Variants in CD86 observed in about 807,000 individuals in gnomAD.
CD86 encodes the protein CD86 molecule, also known as T-lymphocyte activation antigen CD86.
A neutral mutation model predicts 32.1 loss-of-function variants in CD86; 11 were observed. The ratio of observed to expected loss-of-function variants is 0.34; its 90% confidence interval spans 0.22 to 0.57. The LOEUF is 0.57. Ranked by LOEUF, CD86 falls within the 20% of genes least tolerant of loss-of-function variation. The pLI is 0.86. For synonymous variants in CD86, 137 were observed against 135.3 expected (o/e 1.01, Z -0.09); for missense variants, 359 against 398.4 (o/e 0.90, Z 0.84).
intron 3 of CD86, 24 bp downstream of exon 3, chr3:122,103,871 C>T (rs375186745): frequency 6.4e-7 from 1 of 1,572,262 alleles, no homozygotes; most frequent in South Asian, 1.1e-5. Flanking sequence ...GGTGTGTGTT[C>T]AGATTCTTAG....
At chr3:122,078,784 A>C (rs565616713) in intron 1 of CD86, among the ~76,000 whole-genome samples, 2 of 152,342 alleles carry the variant, frequency 1.3e-5, no homozygotes, top group Admixed American at 6.5e-5. Flanking sequence ...ATAGTTTTTG[A>C]CAAAGGGAAC....
chr3:122,103,940 C>T, intron 3 of CD86, 93 bp downstream of exon 3: 1 of 1,062,798 alleles, frequency 9.4e-7, no homozygotes, highest in Admixed American at 2.2e-5. Flanking sequence ...CTTGAGGGGC[C>T]CAGGGGAAAA....
intron 2 of CD86, among the ~76,000 whole-genome samples, chr3:122,099,648 G>A (rs986511300): frequency 6.6e-6 from 1 of 152,290 alleles, no homozygotes; most frequent in African/African-American, 2.4e-5. Flanking sequence ...TGTGTTTATT[G>A]AAGTTGTGGA....
intron 5 of CD86, among the ~76,000 whole-genome samples, chr3:122,113,467 A>G (rs985432952): frequency 1.3e-5 from 2 of 152,200 alleles, no homozygotes; most frequent in African/African-American, 2.4e-5. Flanking sequence ...TTACATTCCC[A>G]CCAGCAGTGT....
chr3:122,081,636 T>C (rs1223700115), intron 1 of CD86, among the ~76,000 whole-genome samples: 1 of 151,772 alleles, frequency 6.6e-6, no homozygotes, highest in Non-Finnish European at 1.5e-5. Context: ...AGGAAGACTG[T>C]TAAACAGTGC....
chr3:122,070,413 T>C (rs1410085632), intron 1 of CD86, among the ~76,000 whole-genome samples: 1 of 152,158 alleles, frequency 6.6e-6, no homozygotes, highest in Non-Finnish European at 1.5e-5. Flanking sequence ...TTAGAGGTTA[T>C]GAGAGTGAGG....
chr3:122,105,987 G>A (rs549129089), intron 3 of CD86, among the ~76,000 whole-genome samples: 2 of 152,200 alleles, frequency 1.3e-5, no homozygotes, highest in African/African-American at 4.8e-5. Context: ...GGATAAGCAG[G>A]AAGTAAGCAT....
chr3:122,113,284 G>A (rs562714016), intron 5 of CD86, among the ~76,000 whole-genome samples: 1 of 152,228 alleles, frequency 6.6e-6, no homozygotes, highest in African/African-American at 2.4e-5. Flanking sequence ...CCTTATTTTT[G>A]GAATTGCAAA....
chr3:122,072,654 C>T (rs1306713541), intron 1 of CD86, among the ~76,000 whole-genome samples: 19 of 152,104 alleles, frequency 1.2e-4, no homozygotes, highest in Non-Finnish European at 2.1e-4. Context: ...GAGTAGGTTG[C>T]AAAAATTTTT....
chr3:122,103,961 T>C (rs2073051999), intron 3 of CD86, 114 bp downstream of exon 3: 1 of 820,246 alleles, frequency 1.2e-6, no homozygotes, highest in Admixed American at 2.5e-5. Context: ...GGGGGGTCTA[T>C]AGAGAGAAGG....
intron 2 of CD86, among the ~76,000 whole-genome samples, chr3:122,103,008 T>A (rs2073034823): frequency 6.6e-6 from 1 of 152,150 alleles, no homozygotes; most frequent in African/African-American, 2.4e-5. Context: ...ATTACCATTA[T>A]CAGCAATCTT....
At chr3:122,073,151 G>T (rs1381556679) in intron 1 of CD86, among the ~76,000 whole-genome samples, 1 of 146,416 alleles carries the variant, frequency 6.8e-6, no homozygotes, top group African/African-American at 2.5e-5. Flanking sequence ...GCAACAGGAA[G>T]CCTCATTGCT....
At chr3:122,079,048 A>T (rs890937448) in intron 1 of CD86, among the ~76,000 whole-genome samples, 1 of 152,224 alleles carries the variant, frequency 6.6e-6, no homozygotes, top group Non-Finnish European at 1.5e-5. Context: ...TGTTCCAGGT[A>T]CTAGGGACTT....
intron 1 of CD86, among the ~76,000 whole-genome samples, chr3:122,063,421 A>G (rs2072366633): frequency 6.6e-6 from 1 of 152,206 alleles, no homozygotes; most frequent in African/African-American, 2.4e-5. Flanking sequence ...AATAAGAATC[A>G]ACCTAAATAA....
chr3:122,091,621 TTCTCTTTGTGATGGCCTTCCTGC>T lies in CD86; in HGVS notation c.41_63del (p.Phe14TrpfsTer13). 6.2e-7 allele frequency: 1 copy of T among 1,613,300 alleles called. No individual in the cohort carries two copies. The highest frequency in any genetic ancestry group is 8.5e-7 in the Non-Finnish European group (1 of 1,179,294). On this transcript the variant is annotated frameshift_variant, in exon 2 of 7. Coordinates refer to ENST00000330540, the MANE Select transcript of CD86 (RefSeq NM_175862.5). LOFTEE classifies it high-confidence loss of function. Reference sequence around the variant, plus strand: ...TCTAGCACTATGGGACTGAGTAACATTCTCTTTGTGATGGCCTTCCTGCTCTCTGGTAAGAACCTTTCAGCTTT... The same window carrying T: ...TCTAGCACTATGGGACTGAGTAACATTCTCTGGTAAGAACCTTTCAGCTTT...
chr3:122,087,839 A>T (rs1333740725), intron 1 of CD86, among the ~76,000 whole-genome samples: 3 of 152,124 alleles, frequency 2.0e-5, no homozygotes, highest in African/African-American at 7.2e-5. Context: ...TGACGGAAGG[A>T]AGGTAAGGAG....
At chr3:122,112,419 C>G (rs756731077) in intron 5 of CD86, among the ~76,000 whole-genome samples, 2 of 151,972 alleles carry the variant, frequency 1.3e-5, no homozygotes, top group African/African-American at 4.8e-5. Flanking sequence ...CAGGTTCAAG[C>G]GATTCTCCTG....
At chr3:122,076,709 A>G (rs1046172049) in intron 1 of CD86, among the ~76,000 whole-genome samples, 22 of 152,234 alleles carry the variant, frequency 1.4e-4, no homozygotes, top group Admixed American at 3.3e-4. Context: ...AAGAATTGGG[A>G]AAGTCTGAAA....
chr3:122,077,591 G>T (rs1247827174), intron 1 of CD86, among the ~76,000 whole-genome samples: 1 of 152,214 alleles, frequency 6.6e-6, no homozygotes, highest in Non-Finnish European at 1.5e-5. Flanking sequence ...CACATTTGTT[G>T]AACTGAACTG....
Sources: gnomAD v4.1 joint callset for allele counts (sites outside exome capture counted in the v4.1 genomes callset) on GRCh38, gnomAD v4.1.1 for gene constraint, MANE v1.5 for transcripts, NCBI Gene and HGNC (gene_info 2026-07-23, HGNC 2026-07-21) for gene names.